Variants in AKT3 observed in about 807,000 individuals in gnomAD.
AKT3 encodes the protein AKT serine/threonine kinase 3.
AKT3 carries 15 observed loss-of-function variants against 65.3 expected under a neutral mutation model. That is an observed-to-expected ratio of 0.23 (90% CI 0.15 to 0.35). The LOEUF (loss-of-function observed/expected upper bound fraction) is 0.35, where lower values mean the gene tolerates loss of function less well. Among genes scored for constraint, AKT3 ranks in the 10% least tolerant of loss-of-function variants. The pLI, the probability that AKT3 is intolerant of heterozygous loss-of-function variation, is 1.00. For synonymous variants in AKT3, 206 were observed against 183.8 expected (o/e 1.12, Z -0.98); for missense variants, 243 against 576.5 (o/e 0.42, Z 5.92).
chr1:243,688,806 TACTA>T (rs1219875438), intron 3 of AKT3, among the ~76,000 whole-genome samples: 1 of 152,140 alleles, frequency 6.6e-6, no homozygotes, highest in African/African-American at 2.4e-5. Flanking sequence ...ATAATCTGAT[TACTA>T]ACTCTCTAAT....
At chr1:243,828,858 T>C (rs773367300) in intron 2 of AKT3, among the ~76,000 whole-genome samples, 8 of 152,138 alleles carry the variant, frequency 5.3e-5, no homozygotes, top group African/African-American at 7.2e-5. Context: ...TTTGAAATTG[T>C]AGATGGACAA....
rs373547367 is a variant in AKT3, at chr1:243,488,838, C to T, written c.*7-388G>A. Among the ~76,000 whole-genome samples the T allele has an allele frequency of 1.3e-4, 20 of 152,314 alleles. No individual in the cohort carries two copies. The South Asian group carries it at 3.5e-3, about 27-fold the overall frequency. ...CCACGCACATTTGCTAGAATGTTAC[C>T]TTCACACAGTGCGTACCAAGGACCT... On this transcript the variant is annotated intron_variant, in intron 13 of 13. Transcript: ENST00000336199.
chr1:243,497,671 C>G (rs1290566534), downstream of AKT3, among the ~76,000 whole-genome samples: 2 of 152,168 alleles, frequency 1.3e-5, no homozygotes, highest in East Asian at 3.8e-4. Context: ...AAAAATTCCG[C>G]AACACATTTT....
chr1:243,850,875 C>T (rs535903177), upstream of AKT3, among the ~76,000 whole-genome samples: 19 of 152,172 alleles, frequency 1.2e-4, no homozygotes, highest in East Asian at 2.9e-3. Context: ...CCCTCGCCCG[C>T]GTGGCCCTTG....
chr1:243,528,638 T>C (rs1419389197), intron 12 of AKT3, among the ~76,000 whole-genome samples: 1 of 152,230 alleles, frequency 6.6e-6, no homozygotes, highest in Non-Finnish European at 1.5e-5. Flanking sequence ...TCCATTTTGC[T>C]GCAAAGGACA....
intron 4 of AKT3, among the ~76,000 whole-genome samples, chr1:243,651,352 G>C (rs928911716): frequency 1.3e-4 from 20 of 152,124 alleles, no homozygotes; most frequent in Non-Finnish European, 2.4e-4. Flanking sequence ...GAGACAATTT[G>C]ACTTCCTCTC....
intron 2 of AKT3, among the ~76,000 whole-genome samples, chr1:243,818,853 T>C (rs1200851081): frequency 6.6e-6 from 1 of 151,466 alleles, no homozygotes; most frequent in Non-Finnish European, 1.5e-5. Flanking sequence ...ACTAGGCAGT[T>C]GGCGCGACCT....
At chr1:243,579,447 G>C (rs1337206559) in intron 8 of AKT3, among the ~76,000 whole-genome samples, 1 of 152,106 alleles carries the variant, frequency 6.6e-6, no homozygotes, top group Non-Finnish European at 1.5e-5. Context: ...AAGGAAGCAA[G>C]ACTACAAGAA....
chr1:243,511,718 C>G (rs1035146293), intron 13 of AKT3, among the ~76,000 whole-genome samples: 2 of 152,176 alleles, frequency 1.3e-5, no homozygotes, highest in African/African-American at 4.8e-5. Flanking sequence ...TACAGCTCCA[C>G]TTATTTATGG....
At chr1:243,667,354 C>G (rs1442089227) in intron 3 of AKT3, among the ~76,000 whole-genome samples, 3 of 152,148 alleles carry the variant, frequency 2.0e-5, no homozygotes, top group African/African-American at 7.2e-5. Flanking sequence ...TGACCTCTCT[C>G]AACCCTGCTC....
rs766074349 is a variant in AKT3 at position 243,501,288 on chromosome 1, A to T, written c.*3961T>A. ...TACCCATCTACATCACCCACGTCTA[A>T]GTTTGTTAATTTGCCATGACATGTT... On this transcript the variant is annotated 3_prime_UTR_variant, in exon 14 of 14. Transcript: ENST00000673466. 12 of 233,028 alleles carry T rather than the reference A, an allele frequency of 5.1e-5. No individual in the cohort carries two copies. The highest frequency in any genetic ancestry group is 7.6e-5 in the Non-Finnish European group (9 of 117,954). The allele number at this position is 233,028 out of a possible 1,614,324, so 14.4% of individuals were successfully genotyped here. A position where few individuals can be genotyped will look rare whatever the true frequency, so the allele number is the denominator to read the frequency against.
chr1:243,585,340 A>G (rs766337920), intron 8 of AKT3, among the ~76,000 whole-genome samples: 3 of 152,140 alleles, frequency 2.0e-5, no homozygotes, highest in Non-Finnish European at 4.4e-5. Context: ...ATTCAAGGCT[A>G]TACCTACCAA....
At chr1:243,772,640 A>G (rs1056436747) in intron 2 of AKT3, among the ~76,000 whole-genome samples, 8 of 152,310 alleles carry the variant, frequency 5.3e-5, no homozygotes, top group Non-Finnish European at 1.2e-4. Flanking sequence ...GATTCCTCAG[A>G]GATCTAGAAC....
chr1:243,536,173 T>C (rs185191256), intron 12 of AKT3, among the ~76,000 whole-genome samples: 2 of 152,332 alleles, frequency 1.3e-5, no homozygotes, highest in East Asian at 1.9e-4. Flanking sequence ...AAACTGTAAG[T>C]TGTCTATTTA....
rs74336886 is a variant in AKT3, at chr1:243,502,758, G to A, written c.*2491C>T. The A allele has an allele frequency of 8.1e-3, 1,896 of 233,288 alleles. 34 individuals are homozygous for A. Among genetic ancestry groups the A allele is most frequent in the African/African-American group, 0.04 (1,798 of 45,454 alleles). 14.5% of individuals were successfully genotyped at this position (233,288 alleles called of 1,614,324 possible). The stretch of plus-strand genomic sequence containing the variant: ...CAGAGGGTGGAATAGAAGTGACTGA[G>A]CCCCAGGCATGGCTGGGAACTGAGA... On this transcript the variant is annotated 3_prime_UTR_variant, in exon 14 of 14. Coordinates refer to ENST00000673466, the MANE Select transcript of AKT3 (RefSeq NM_005465.7).
In AKT3 at chr1:243,595,151, C is replaced by T. The variant is rs74368067; in HGVS notation, c.696+18520G>A. 1.6e-3 allele frequency among the ~76,000 whole-genome samples: 238 copies of T among 152,276 alleles called. 6 individuals are homozygous for T. In the East Asian group the frequency reaches 0.024, roughly 16 times the overall value. On this transcript the variant is annotated intron_variant, in intron 8 of 13. Coordinates refer to ENST00000673466, the MANE Select transcript of AKT3 (RefSeq NM_005465.7). ...ACTTACATAAACCTAAATGGCATAG[C>T]CTACTACTTCTAGGTACAGACCTGT...
rs576303785 is a variant in AKT3, at chr1:243,640,565, T to C, written c.430-2823A>G. Among the ~76,000 whole-genome samples the C allele has an allele frequency of 8.5e-5, 13 of 152,260 alleles. No individual in the cohort carries two copies. In the South Asian group the frequency reaches 2.7e-3, roughly 32 times the overall value. ...TAATGCTGTCAGTTAGTCCATATTATCCTGCTGGAGAGAGAGGCCATGTGG... is the reference window on the plus strand; with the variant it reads ...TAATGCTGTCAGTTAGTCCATATTACCCTGCTGGAGAGAGAGGCCATGTGG... On this transcript the variant is annotated intron_variant, in intron 5 of 13. Transcript: ENST00000673466.
chr1:243,660,777 G>A (rs1178725710), intron 4 of AKT3, among the ~76,000 whole-genome samples: 2 of 152,272 alleles, frequency 1.3e-5, no homozygotes, highest in East Asian at 3.9e-4. Context: ...AATTGTCCCT[G>A]TTTGCAGATG....
At chr1:243,693,294 A>ATATATATATATATATATAT (rs1684843970) in intron 3 of AKT3, among the ~76,000 whole-genome samples, 3 of 117,192 alleles carry the variant, frequency 2.6e-5, no homozygotes, top group Non-Finnish European at 3.5e-5. Flanking sequence ...ATATATATAT[A>ATATATATATATATATATAT]ACATTTCCCA....
Sources: allele counts gnomAD v4.1 joint callset (sites outside exome capture counted in the v4.1 genomes callset), GRCh38; gene constraint gnomAD v4.1.1; transcripts MANE v1.5; gene names NCBI Gene and HGNC (gene_info 2026-07-23, HGNC 2026-07-21).